SIRPD: variants seen among roughly 807,000 people sequenced by gnomAD.
SIRPD encodes the protein signal regulatory protein delta, also known as signal-regulatory protein delta.
A neutral mutation model predicts 18.0 loss-of-function variants in SIRPD; 21 were observed. The observed-to-expected ratio is 1.17, with a 90% CI of 0.83 to 1.68. The LOEUF (loss-of-function observed/expected upper bound fraction) is 1.68. Among genes scored for constraint, SIRPD ranks in the 40% most tolerant of loss-of-function variants. The probability of loss-of-function intolerance (pLI) is 0.00; values close to 1 mark genes in which losing one functional copy is unlikely to be tolerated. For synonymous variants in SIRPD, 106 were observed against 92.9 expected (o/e 1.14, Z -0.81); for missense variants, 295 against 238.4 (o/e 1.24, Z -1.56).
chr20:1,549,551 T>C (rs3848784), intron 2 of SIRPD, among the ~76,000 whole-genome samples: 19,785 of 151,842 alleles, frequency 0.13, 1,532 homozygotes, highest in Admixed American at 0.25. Flanking sequence ...AGTGACTGGA[T>C]GGATTATTTT....
chr20:1,538,851 A>T (rs938664129), intron 2 of SIRPD, among the ~76,000 whole-genome samples: 1 of 152,198 alleles, frequency 6.6e-6, no homozygotes, highest in African/African-American at 2.4e-5. Flanking sequence ...ACCCCAGGCA[A>T]CATATAGCAG....
rs1488251792 is a variant in SIRPD at position 1,537,216 on chromosome 20, C to T, written c.516G>A (p.Glu172=). 2 of 1,614,142 alleles carry T rather than the reference C, an allele frequency of 1.2e-6. No individual in the cohort carries two copies. Among genetic ancestry groups the T allele is most frequent in the Non-Finnish European group, 8.5e-7 (1 of 1,180,014 alleles). The change falls in exon 3 of 4, where the codon GAG becomes GAA. Residue 172 remains glutamate, a synonymous_variant. Transcript: ENST00000381623. ...DAHTCLSALP[E]RNSTNYFVQP... ...GGACGAAATAGTTTGTGCTGTTTCT[C>T]TCAGGCAGGGCCGAGAGGCAGGTAT...
chr20:1,556,765 G>A (rs1392573913), intron 1 of SIRPD, among the ~76,000 whole-genome samples: 1 of 152,192 alleles, frequency 6.6e-6, no homozygotes, highest in Non-Finnish European at 1.5e-5. Context: ...AGACAGACAT[G>A]GAACAGATTC....
chr20:1,537,519 C>T (rs115932516), intron 2 of SIRPD, among the ~76,000 whole-genome samples: 1 of 152,126 alleles, frequency 6.6e-6, no homozygotes, highest in African/African-American at 2.4e-5. Context: ...TCCTTTGGGC[C>T]CCTCACTTTG....
chr20:1,546,931 A>G (rs1425508975), intron 2 of SIRPD, among the ~76,000 whole-genome samples: 1 of 152,218 alleles, frequency 6.6e-6, no homozygotes, highest in Non-Finnish European at 1.5e-5. Context: ...CTTATCAGAT[A>G]TGTAATTTGC....
chr20:1,543,314 T>C (rs2090980106), intron 2 of SIRPD, among the ~76,000 whole-genome samples: 1 of 152,192 alleles, frequency 6.6e-6, no homozygotes, highest in Admixed American at 6.5e-5. Context: ...TCGGAACTTG[T>C]TATTGGTCTA....
At chr20:1,538,386 G>A (rs953517754) in intron 2 of SIRPD, among the ~76,000 whole-genome samples, 6 of 152,248 alleles carry the variant, frequency 3.9e-5, no homozygotes, top group Middle Eastern at 3.4e-3. Flanking sequence ...AGAGTGTTCC[G>A]TTTAGCACTC....
At position 1,557,689 on chromosome 20, in the gene SIRPD, C is replaced by A; in HGVS notation, c.-36G>T. 1 of 1,605,472 alleles carries A rather than the reference C, an allele frequency of 6.2e-7. No homozygotes were observed. Among genetic ancestry groups the A allele is most frequent in the South Asian group, 1.1e-5 (1 of 90,502 alleles). ...CCTGGAGCTTGCTCTGCCTGAATGC[C>A]TGTCCTGGAGATGCCCTCGACTCAG... On this transcript the variant is annotated 5_prime_UTR_variant, in exon 1 of 4. It adds an upstream start codon to the 5' untranslated region. Transcript: ENST00000381623.
At chr20:1,538,407 C>T (rs2090956636) in intron 2 of SIRPD, among the ~76,000 whole-genome samples, 1 of 152,192 alleles carries the variant, frequency 6.6e-6, no homozygotes, top group Non-Finnish European at 1.5e-5. Flanking sequence ...TTTGTTCTAA[C>T]TCTAATCCCT....
intron 2 of SIRPD, among the ~76,000 whole-genome samples, chr20:1,550,305 TGAC>T (rs2091013343): frequency 6.6e-6 from 1 of 152,230 alleles, no homozygotes; most frequent in Admixed American, 6.5e-5. Context: ...AATAAAATGT[TGAC>T]AACATGGCAT....
intron 2 of SIRPD, among the ~76,000 whole-genome samples, chr20:1,547,543 C>T (rs1376336797): frequency 1.3e-5 from 2 of 152,340 alleles, no homozygotes; most frequent in East Asian, 3.9e-4. Flanking sequence ...AGGCGTGAGC[C>T]ATTGCGTCCA....
At position 1,548,384 on chromosome 20, in the gene SIRPD, A is replaced by C. The variant is rs138953188; in HGVS notation, c.421+3307T>G. Among the ~76,000 whole-genome samples, 87 of 151,642 alleles carry C rather than the reference A, an allele frequency of 5.7e-4. 1 individual carries two copies. The highest frequency in any genetic ancestry group is 4.1e-3 in the Admixed American group (62 of 15,226). ...AGAGGATTATGTGGTTTTCTTTTTT[A>C]TTTTATTGATATTGTGTTGTATTAA... is the stretch of plus-strand genomic sequence containing the variant. On this transcript the variant is annotated intron_variant, in intron 2 of 3. Coordinates refer to ENST00000381623, the MANE Select transcript of SIRPD (RefSeq NM_178460.3).
At chr20:1,550,073 A>G (rs1160639175) in intron 2 of SIRPD, among the ~76,000 whole-genome samples, 1 of 152,180 alleles carries the variant, frequency 6.6e-6, no homozygotes, top group African/African-American at 2.4e-5. Flanking sequence ...AAGGAGGCAA[A>G]GCCATAAACC....
intron 1 of SIRPD, among the ~76,000 whole-genome samples, chr20:1,557,306 C>T (rs1378843102): frequency 6.6e-6 from 1 of 151,382 alleles, no homozygotes; most frequent in Admixed American, 6.6e-5. Flanking sequence ...CCTCCAGAGG[C>T]TGGAGGGTGA....
chr20:1,536,998 C>T (rs938414342), intron 3 of SIRPD, among the ~76,000 whole-genome samples, 157 bp downstream of exon 3: 4 of 152,084 alleles, frequency 2.6e-5, no homozygotes, highest in Non-Finnish European at 5.9e-5. Flanking sequence ...ATAAAACAAA[C>T]TATTTAGGGA....
intron 2 of SIRPD, among the ~76,000 whole-genome samples, chr20:1,540,506 C>T (rs1388030142): frequency 1.3e-5 from 2 of 152,190 alleles, no homozygotes; most frequent in Non-Finnish European, 2.9e-5. Context: ...CCATGCCTTT[C>T]ATGTAATAAC....
intron 2 of SIRPD, among the ~76,000 whole-genome samples, chr20:1,547,533 A>C (rs1448111467): frequency 6.6e-6 from 1 of 152,242 alleles, no homozygotes; most frequent in East Asian, 1.9e-4. Flanking sequence ...CTGGGATTAC[A>C]GGCGTGAGCC....
At chr20:1,545,018 C>A (rs2123131182) in intron 2 of SIRPD, among the ~76,000 whole-genome samples, 1 of 152,224 alleles carries the variant, frequency 6.6e-6, no homozygotes, top group South Asian at 2.1e-4. Context: ...TTGTGGGTAA[C>A]CCAATCTTTC....
rs770861045 is a variant in SIRPD at position 1,557,572 on chromosome 20, C to T, written c.73+9G>A. ...ACCCACCACACACATACACTGAGGC[C>T]CCACTCACCTGCCAGTTCAAGCAGC... is the stretch of plus-strand genomic sequence containing the variant. On this transcript the variant is annotated intron_variant, in intron 1 of 3. Coordinates refer to ENST00000381623, the MANE Select transcript of SIRPD (RefSeq NM_178460.3). The T allele has an allele frequency of 6.3e-5, 98 of 1,558,082 alleles. No homozygotes were observed. The highest frequency in any genetic ancestry group is 1.7e-4 in the Middle Eastern group (1 of 5,826).
Sources: allele counts gnomAD v4.1 joint callset (sites outside exome capture counted in the v4.1 genomes callset), GRCh38; gene constraint gnomAD v4.1.1; transcripts MANE v1.5; gene names NCBI Gene and HGNC (gene_info 2026-07-23, HGNC 2026-07-21).